Variants in KCNH7 observed in about 807,000 individuals in gnomAD.
The protein encoded by KCNH7 is potassium voltage-gated channel subfamily H member 7.
KCNH7 carries 49 observed loss-of-function variants against 120.8 expected under a neutral mutation model. The observed-to-expected ratio is 0.41, with a 90% CI of 0.32 to 0.51. The LOEUF is 0.51. Among genes scored for constraint, KCNH7 ranks in the 20% least tolerant of loss-of-function variants. The pLI is 0.38. For synonymous variants in KCNH7, 547 were observed against 516.1 expected (o/e 1.06, Z -0.81); for missense variants, 1,097 against 1,446.6 (o/e 0.76, Z 3.92).
intron 2 of KCNH7, among the ~76,000 whole-genome samples, chr2:162,792,631 C>T (rs1683989829): frequency 6.6e-6 from 1 of 150,892 alleles, no homozygotes; most frequent in African/African-American, 2.4e-5. Flanking sequence ...GGTAATGTCC[C>T]CTTTGTTGTT....
intron 2 of KCNH7, among the ~76,000 whole-genome samples, chr2:162,800,937 T>C (rs755143625): frequency 1.3e-5 from 2 of 151,810 alleles, no homozygotes; most frequent in Non-Finnish European, 2.9e-5. Flanking sequence ...AAGGTGATGG[T>C]AGTTATCAGA....
intron 2 of KCNH7, among the ~76,000 whole-genome samples, chr2:162,575,653 A>C (rs1254971969): frequency 6.6e-6 from 1 of 152,078 alleles, no homozygotes; most frequent in Non-Finnish European, 1.5e-5. Context: ...CTAGAGACTG[A>C]CTTTCCCACG....
chr2:162,635,782 T>G (rs1683933544), intron 2 of KCNH7, among the ~76,000 whole-genome samples: 1 of 152,072 alleles, frequency 6.6e-6, no homozygotes, highest in Non-Finnish European at 1.5e-5. Flanking sequence ...TATTAAACAT[T>G]TGAAATTTTT....
intron 2 of KCNH7, among the ~76,000 whole-genome samples, chr2:162,783,206 G>A (rs1367421467): frequency 6.6e-6 from 1 of 152,066 alleles, no homozygotes; most frequent in Non-Finnish European, 1.5e-5. Flanking sequence ...TGGTTTCTTA[G>A]ACTGCTTTTC....
At chr2:162,427,458 TTAA>T (rs1323230330) in intron 8 of KCNH7, among the ~76,000 whole-genome samples, 7 of 152,080 alleles carry the variant, frequency 4.6e-5, no homozygotes, top group African/African-American at 1.7e-4. Context: ...TTCCTGATGA[TTAA>T]TGACATCTTT....
intron 2 of KCNH7, among the ~76,000 whole-genome samples, chr2:162,645,246 C>G (rs1038112918): frequency 1.3e-5 from 2 of 152,102 alleles, no homozygotes; most frequent in Non-Finnish European, 2.9e-5. Flanking sequence ...CTCCCGGGTT[C>G]AAGTGATTCT....
chr2:162,589,470 A>G (rs994018531), intron 2 of KCNH7, among the ~76,000 whole-genome samples: 12 of 152,078 alleles, frequency 7.9e-5, no homozygotes, highest in Admixed American at 4.6e-4. Context: ...AACAAATAAA[A>G]GAGTTCCCAA....
intron 8 of KCNH7, among the ~76,000 whole-genome samples, chr2:162,434,988 C>T (rs1055806733): frequency 3.3e-5 from 5 of 151,892 alleles, no homozygotes; most frequent in Non-Finnish European, 7.4e-5. Context: ...AATTTTATGC[C>T]CATAGTTCCC....
At chr2:162,571,401 C>G (rs1372796297) in intron 2 of KCNH7, among the ~76,000 whole-genome samples, 30 of 148,954 alleles carry the variant, frequency 2.0e-4, no homozygotes, top group Admixed American at 1.4e-3. Flanking sequence ...AAAGAGGATA[C>G]AAACAAATGG....
intron 2 of KCNH7, among the ~76,000 whole-genome samples, chr2:162,765,835 C>T (rs1682781186): frequency 6.6e-6 from 1 of 152,184 alleles, no homozygotes; most frequent in Non-Finnish European, 1.5e-5. Context: ...TCATAGCTCA[C>T]AGCAGCCTTG....
Position 162,428,939 on chromosome 2 carries a change from T to C in KCNH7, c.1955-5404A>G, listed in dbSNP as rs1687963550. Among the ~76,000 whole-genome samples the C allele has an allele frequency of 2.0e-5, 3 of 151,896 alleles. No individual in the cohort carries two copies. The South Asian group carries it at 6.2e-4, about 31-fold the overall frequency. On this transcript the variant is annotated intron_variant, in intron 8 of 15. Transcript: ENST00000332142. ...ATGGCTGTCTTATTTTTAAAAATGC[T>C]TTCTGATAATTTCTCCATTTCAATG...
intron 2 of KCNH7, among the ~76,000 whole-genome samples, chr2:162,738,086 A>C (rs906729299): frequency 6.6e-6 from 1 of 151,604 alleles, no homozygotes; most frequent in Admixed American, 6.6e-5. Context: ...AAAAAAAAAA[A>C]AAAAAGTTGT....
intron 2 of KCNH7, among the ~76,000 whole-genome samples, chr2:162,717,340 T>C (rs1687160186): frequency 6.6e-6 from 1 of 152,036 alleles, no homozygotes; most frequent in African/African-American, 2.4e-5. Context: ...GTTAGGTAAA[T>C]TGTATACAGA....
intron 4 of KCNH7, among the ~76,000 whole-genome samples, chr2:162,514,699 A>G (rs1171672619): frequency 6.6e-6 from 1 of 151,726 alleles, no homozygotes; most frequent in Non-Finnish European, 1.5e-5. Flanking sequence ...CCAGTAGTAC[A>G]TTTTTATTGG....
intron 6 of KCNH7, among the ~76,000 whole-genome samples, chr2:162,494,305 A>G (rs1340117046): frequency 2.0e-5 from 3 of 152,132 alleles, no homozygotes; most frequent in Non-Finnish European, 4.4e-5. Context: ...TCTATTTCAT[A>G]ATATCAAGTG....
intron 2 of KCNH7, among the ~76,000 whole-genome samples, chr2:162,577,330 T>TATC: frequency 8.4e-6 from 1 of 119,288 alleles, no homozygotes; most frequent in African/African-American, 3.1e-5. Context: ...TCTATCTATC[T>TATC]GTCTATCATC....
chr2:162,477,441 G>A (rs1489682543), intron 6 of KCNH7, among the ~76,000 whole-genome samples: 1 of 152,094 alleles, frequency 6.6e-6, no homozygotes, highest in African/African-American at 2.4e-5. Context: ...AAGCCTGCTT[G>A]AGAAAAAAAG....
At chr2:162,416,449 A>G (rs1687544587) in intron 9 of KCNH7, among the ~76,000 whole-genome samples, 1 of 152,038 alleles carries the variant, frequency 6.6e-6, no homozygotes, top group Non-Finnish European at 1.5e-5. Flanking sequence ...CTAAATCCCT[A>G]TCTTGGAAAA....
Position 162,446,215 on chromosome 2 carries a change from C to T in KCNH7, c.1357G>A (p.Val453Met). 6.2e-7 allele frequency: 1 copy of T among 1,613,732 alleles called. No homozygotes were observed. Among genetic ancestry groups the T allele is most frequent in the South Asian group, 1.1e-5 (1 of 91,072 alleles). Reference sequence around the variant, plus strand: ...ATAATATCCACAATCAAGTCTACCACATTCAAAGGGCTACAAGAATAGCCA... The same window carrying T: ...ATAATATCCACAATCAAGTCTACCATATTCAAAGGGCTACAAGAATAGCCA... ...ECGYSCSPLN[V>M]VDLIVDIMFI... Residue 453 changes from valine to methionine, a missense_variant, in exon 7 of 16, where the codon GTG becomes ATG. Val to Met is a conservative substitution (Grantham distance 21, BLOSUM62 1). Coordinates refer to ENST00000332142, the MANE Select transcript of KCNH7 (RefSeq NM_033272.4).
Sources: allele counts gnomAD v4.1 joint callset (sites outside exome capture counted in the v4.1 genomes callset), GRCh38; gene constraint gnomAD v4.1.1; transcripts MANE v1.5; gene names NCBI Gene and HGNC (gene_info 2026-07-23, HGNC 2026-07-21).